CPLX2: variants seen among roughly 807,000 people sequenced by gnomAD.
CPLX2 encodes complexin 2, also known as complexin-2.
A neutral mutation model predicts 16.3 loss-of-function variants in CPLX2; 5 were observed. The observed-to-expected ratio is 0.31, with a 90% CI of 0.16 to 0.64. The LOEUF (loss-of-function observed/expected upper bound fraction) is 0.64, where lower values mean the gene tolerates loss of function less well. Among genes scored for constraint, CPLX2 ranks in the 30% least tolerant of loss-of-function variants. The pLI is 0.79. For synonymous variants in CPLX2, 89 were observed against 73.2 expected (o/e 1.22, Z -1.10); for missense variants, 144 against 181.4 (o/e 0.79, Z 1.18).
chr5:175,810,897 C>T (rs1361092566), intron 2 of CPLX2, among the ~76,000 whole-genome samples: 1 of 152,214 alleles, frequency 6.6e-6, no homozygotes, highest in African/African-American at 2.4e-5. Flanking sequence ...CACTCTTTCC[C>T]TCCATATAGA....
At chr5:175,831,509 C>G (rs989177871) in intron 2 of CPLX2, among the ~76,000 whole-genome samples, 1 of 152,204 alleles carries the variant, frequency 6.6e-6, no homozygotes, top group Non-Finnish European at 1.5e-5. Flanking sequence ...TGGGCTTTGA[C>G]TTGGCTGCTG....
Position 175,797,161 on chromosome 5 carries a change from G to A in CPLX2, c.-169+377G>A, listed in dbSNP as rs534439437. Among the ~76,000 whole-genome samples the A allele has an allele frequency of 3.2e-3, 490 of 152,328 alleles. 2 individuals are homozygous for A. Among genetic ancestry groups the A allele is most frequent in the African/African-American group, 0.01 (423 of 41,594 alleles). On this transcript the variant is annotated intron_variant, in intron 1 of 4. Transcript: ENST00000359546. ...CTCCCAACGCTAGCACCGCGGCGGC[G>A]GACAGCTCTCTCCGGCGGCACCGCG...
intron 2 of CPLX2, among the ~76,000 whole-genome samples, chr5:175,842,024 T>C (rs750385055): frequency 1.4e-4 from 21 of 152,316 alleles, no homozygotes; most frequent in Admixed American, 2.6e-4. Flanking sequence ...ATTCCTCCCA[T>C]AGGCCCTCCC....
At chr5:175,860,235 A>G (rs930379527) in intron 2 of CPLX2, among the ~76,000 whole-genome samples, 1 of 152,086 alleles carries the variant, frequency 6.6e-6, no homozygotes, top group Non-Finnish European at 1.5e-5. Context: ...TCATGCCTGT[A>G]ATCCCAGCAC....
At chr5:175,801,013 G>A (rs898720247) in intron 1 of CPLX2, among the ~76,000 whole-genome samples, 2 of 152,152 alleles carry the variant, frequency 1.3e-5, no homozygotes, top group African/African-American at 4.8e-5. Context: ...GATGGGAGGT[G>A]GAGTGAGTGA....
Position 175,880,236 on chromosome 5 carries a change from C to T in CPLX2, c.*191C>T, listed in dbSNP as rs769378390. Reference sequence around the variant, plus strand: ...CTTCATCCCAGGGTATCCACCTGCACCCCACTCCCAAGTAGCTTGAAAAAG... The same window carrying T: ...CTTCATCCCAGGGTATCCACCTGCATCCCACTCCCAAGTAGCTTGAAAAAG... On this transcript the variant is annotated 3_prime_UTR_variant, in exon 4 of 4. Transcript: ENST00000393745. The T allele has an allele frequency of 2.4e-5, 17 of 717,574 alleles. No individual in the cohort carries two copies. The East Asian group carries it at 4.7e-4, about 20-fold the overall frequency. The allele number at this position is 717,574 out of a possible 1,614,324, so 44.5% of individuals were successfully genotyped here.
chr5:175,800,069 T>C (rs1294902458), intron 1 of CPLX2, among the ~76,000 whole-genome samples: 1 of 152,174 alleles, frequency 6.6e-6, no homozygotes, highest in East Asian at 1.9e-4. Context: ...AGACCTCAGC[T>C]CCTTGGAGGT....
At chr5:175,863,971 G>A (rs757431742) in intron 2 of CPLX2, among the ~76,000 whole-genome samples, 1 of 152,186 alleles carries the variant, frequency 6.6e-6, no homozygotes, top group Non-Finnish European at 1.5e-5. Flanking sequence ...CATGCAGGAA[G>A]ATTATGAGGC....
intron 2 of CPLX2, among the ~76,000 whole-genome samples, chr5:175,819,233 T>C (rs1032443791): frequency 6.6e-6 from 1 of 152,192 alleles, no homozygotes; most frequent in Non-Finnish European, 1.5e-5. Context: ...GAAAAACACA[T>C]GTACACATTT....
At chr5:175,814,081 T>C (rs1260205868) in intron 2 of CPLX2, among the ~76,000 whole-genome samples, 4 of 152,182 alleles carry the variant, frequency 2.6e-5, no homozygotes, top group African/African-American at 9.7e-5. Flanking sequence ...AAATGCAAGA[T>C]GTACATGAGG....
chr5:175,869,316 C>T (rs1254667297), upstream of CPLX2, among the ~76,000 whole-genome samples: 1 of 152,192 alleles, frequency 6.6e-6, no homozygotes, highest in Admixed American at 6.5e-5. Context: ...CTCAAAGATG[C>T]TTGGGTTCAA....
At chr5:175,816,083 C>A (rs375941820) in intron 2 of CPLX2, among the ~76,000 whole-genome samples, 2 of 152,316 alleles carry the variant, frequency 1.3e-5, no homozygotes, top group Admixed American at 6.5e-5. Context: ...GCTCTCCAGG[C>A]AGCATCCTTC....
intron 2 of CPLX2, among the ~76,000 whole-genome samples, chr5:175,865,153 T>G (rs940948690): frequency 4.6e-5 from 7 of 151,940 alleles, no homozygotes; most frequent in African/African-American, 1.5e-4. Context: ...TTGGCACTCT[T>G]TCTCTTTCTT....
Position 175,809,682 on chromosome 5 carries a change from G to GC in CPLX2, c.-89+615dup, listed in dbSNP as rs1216665054. Reference sequence around the variant, plus strand: ...CTTATGGGTGGAGGAGTCAACCTCAGCTCCTCTTCCAGGTGGCCGGCCAAG... The same window carrying GC: ...CTTATGGGTGGAGGAGTCAACCTCAGCCTCCTCTTCCAGGTGGCCGGCCAAG... On this transcript the variant is annotated intron_variant, in intron 2 of 4. Transcript: ENST00000359546. This position sits in a 1 kb window ranked among gnomAD's most constrained non-coding sequence, Gnocchi z 4.4. Among the ~76,000 whole-genome samples the GC allele has an allele frequency of 6.6e-6, 1 of 151,956 alleles. No homozygotes were observed. Among genetic ancestry groups the GC allele is most frequent in the Non-Finnish European group, 1.5e-5 (1 of 67,996 alleles).
At chr5:175,858,951 G>A (rs903350342) in intron 2 of CPLX2, among the ~76,000 whole-genome samples, 1 of 152,202 alleles carries the variant, frequency 6.6e-6, no homozygotes, top group African/African-American at 2.4e-5. Flanking sequence ...TTTCCAGCAT[G>A]GAAACCTTGG....
chr5:175,836,098 T>C lies in CPLX2; in HGVS notation c.-89+27030T>C, dbSNP rs560986412. ...AGGCGCGGTGGCTCACGCCTGTAAT[T>C]CCAGCACTTTGGGAGGCCAAGGCGG... On this transcript the variant is annotated intron_variant, in intron 2 of 4. Transcript: ENST00000359546. 5.0e-3 allele frequency among the ~76,000 whole-genome samples: 765 copies of C among 152,202 alleles called. 5 individuals carry two copies. The highest frequency in any genetic ancestry group is 0.015 in the South Asian group (73 of 4,816).
chr5:175,796,853 AC>A (rs1757986328), intron 1 of CPLX2: 1 of 152,000 alleles, frequency 6.6e-6, no homozygotes, highest in South Asian at 2.1e-4. Flanking sequence ...TGGCGGAGAG[AC>A]CCCGGCCACA....
intron 1 of CPLX2, among the ~76,000 whole-genome samples, chr5:175,798,998 C>A (rs1758040151): frequency 6.6e-6 from 1 of 152,214 alleles, no homozygotes; most frequent in Non-Finnish European, 1.5e-5. Flanking sequence ...TCATTCTGAA[C>A]ATTTCTGTCC....
chr5:175,874,317 C>T (rs1425979593), intron 1 of CPLX2, among the ~76,000 whole-genome samples: 1 of 152,096 alleles, frequency 6.6e-6, no homozygotes, highest in African/African-American at 2.4e-5. Context: ...TGGACTTCTC[C>T]CTGGAATTCT....
Sources: allele counts gnomAD v4.1 joint callset (sites outside exome capture counted in the v4.1 genomes callset), GRCh38; gene constraint gnomAD v4.1.1; non-coding constraint Gnocchi (gnomAD v3.1); transcripts MANE v1.5; gene names NCBI Gene and HGNC (gene_info 2026-07-23, HGNC 2026-07-21).